Variants in HAO1 observed in about 807,000 individuals in gnomAD.
The protein encoded by HAO1 is hydroxyacid oxidase 1, also known as 2-Hydroxyacid oxidase 1.
HAO1 carries 34 observed loss-of-function variants against 39.7 expected under a neutral mutation model. The ratio of observed to expected loss-of-function variants is 0.86; its 90% CI spans 0.65 to 1.14. HAO1 has a LOEUF of 1.14. Ranked by LOEUF, HAO1 falls within the 50% of genes most tolerant of loss-of-function variation. The pLI is 0.00. For synonymous variants in HAO1, 172 were observed against 173.2 expected, an observed-to-expected ratio of 0.99 and a Z score of 0.05; for missense variants, 479 against 464.5, an observed-to-expected ratio of 1.03 and a Z score of -0.29.
chr20:7,909,385 A>ATATATATATATATATATATATATATATG (rs2050266466), intron 3 of HAO1, among the ~76,000 whole-genome samples: 2 of 112,610 alleles, frequency 1.8e-5, no homozygotes, highest in African/African-American at 7.8e-5. Flanking sequence ...ATATGTATAT[A>ATATATATATATATATATATATATATATG]TATATATATA....
chr20:7,924,455 G>T (rs182718102), intron 2 of HAO1, among the ~76,000 whole-genome samples: 1 of 152,176 alleles, frequency 6.6e-6, no homozygotes, highest in Non-Finnish European at 1.5e-5. Flanking sequence ...AGGCAAAACT[G>T]AAGTTTATCA....
At position 7,934,554 on chromosome 20, in the gene HAO1, C is replaced by T. The variant is rs781491114; in HGVS notation, c.219G>A (p.Met73Ile). The stretch of plus-strand genomic sequence containing the variant: ...TGGCCGTAGCCCCCACACATATTGG[C>T]ATGCTGACCCTCTGTCCTAAAACAG... ...STSVLGQRVS[M>I]PICVGATAMQ... Residue 73 changes from methionine (M) to isoleucine (I), a missense_variant, in exon 2 of 8, where the codon ATG becomes ATA. Met to Ile is a conservative substitution (Grantham distance 10, BLOSUM62 1). Coordinates refer to ENST00000378789, the MANE Select transcript of HAO1 (RefSeq NM_017545.3). 1.9e-6 allele frequency: 3 copies of T among 1,613,472 alleles called. No homozygotes were observed. Among genetic ancestry groups the T allele is most frequent in the Non-Finnish European group, 2.5e-6 (3 of 1,179,438 alleles).
At chr20:7,892,348 G>T (rs6055371) in intron 5 of HAO1, among the ~76,000 whole-genome samples, 39 of 152,292 alleles carry the variant, frequency 2.6e-4, no homozygotes, top group African/African-American at 7.0e-4. Context: ...GCCTCTGAAA[G>T]TGCTGGGATT....
intron 5 of HAO1, among the ~76,000 whole-genome samples, chr20:7,886,245 C>T (rs1316391258): frequency 6.6e-6 from 1 of 151,944 alleles, no homozygotes. Flanking sequence ...GTGATCTCGG[C>T]TCACTGCAAC....
At chr20:7,899,271 T>C (rs1489431889) in intron 4 of HAO1, among the ~76,000 whole-genome samples, 2 of 152,136 alleles carry the variant, frequency 1.3e-5, no homozygotes, top group Non-Finnish European at 2.9e-5. Flanking sequence ...CACATATGAT[T>C]AGCTTGTGGA....
rs2050148843 is a variant in HAO1 at position 7,885,840 on chromosome 20, CCA to C, written c.836_837del (p.Val279GlyfsTer20). 6.2e-7 allele frequency: 1 copy of C among 1,613,550 alleles called. No homozygotes were observed. Among genetic ancestry groups the C allele is most frequent in the African/African-American group, 1.3e-5 (1 of 75,006 alleles). The stretch of plus-strand genomic sequence containing the variant: ...ACTTCCACCTTCCCTTCCACAGCCT[CCA>C]CAATTTCTGGCAGAACATCAATCTG... ...PATIDVLPEI[V>X]EAVEGKVEVF... On this transcript the variant is annotated frameshift_variant, in exon 6 of 8. Coordinates refer to ENST00000378789, the MANE Select transcript of HAO1 (RefSeq NM_017545.3). LOFTEE classifies it high-confidence loss of function.
intron 3 of HAO1, among the ~76,000 whole-genome samples, chr20:7,909,401 A>G (rs924492322): frequency 1.4e-5 from 2 of 143,632 alleles, no homozygotes. Flanking sequence ...ATATATATAT[A>G]TATGCTTAAA....
intron 3 of HAO1, 46 bp downstream of exon 3, chr20:7,914,118 C>T: frequency 2.5e-6 from 4 of 1,606,370 alleles, no homozygotes; most frequent in Non-Finnish European, 3.4e-6. Context: ...CATTCCCAGT[C>T]AAGATCCCTT....
chr20:7,894,086 C>T (rs574544149), intron 5 of HAO1, among the ~76,000 whole-genome samples: 3 of 152,258 alleles, frequency 2.0e-5, no homozygotes, highest in East Asian at 1.9e-4. Flanking sequence ...TGGCCAAATC[C>T]CCACAAGTGG....
At chr20:7,918,484 G>A (rs559360467) in intron 2 of HAO1, among the ~76,000 whole-genome samples, 2 of 152,280 alleles carry the variant, frequency 1.3e-5, no homozygotes, top group East Asian at 3.9e-4. Context: ...CCACGGCTCT[G>A]AAGTTTATCA....
rs552610060 is a variant in HAO1, at chr20:7,905,531, T to G, written c.721+623A>C. The stretch of plus-strand genomic sequence containing the variant: ...TTCTTGCCTTTGTGGGTAAACACAT[T>G]TACACTCCAAAATTATTATAGTCAT... On this transcript the variant is annotated intron_variant, in intron 4 of 7. Coordinates refer to ENST00000378789, the MANE Select transcript of HAO1 (RefSeq NM_017545.3). Among the ~76,000 whole-genome samples, 8 of 152,276 alleles carry G rather than the reference T, an allele frequency of 5.3e-5. No homozygotes were observed. In the South Asian group the frequency reaches 1.5e-3, roughly 28 times the overall value.
At chr20:7,902,815 A>G (rs1223752497) in intron 4 of HAO1, among the ~76,000 whole-genome samples, 1 of 152,228 alleles carries the variant, frequency 6.6e-6, no homozygotes, top group African/African-American at 2.4e-5. Context: ...TCTTAAGTAC[A>G]TGTTAGGAGC....
rs560656951 is a variant in HAO1 at position 7,940,452 on chromosome 20, G to A, written c.-30C>T. 24 of 1,548,606 alleles carry A rather than the reference G, an allele frequency of 1.5e-5. No homozygotes were observed. The highest frequency in any genetic ancestry group is 1.4e-5 in the Non-Finnish European group (16 of 1,152,312). Reference sequence around the variant, plus strand: ...ACAGGTTATTGCTATCCCAGATGGAGTTCGTTGTTTTTTTTTTTTTAATGT... The same window carrying A: ...ACAGGTTATTGCTATCCCAGATGGAATTCGTTGTTTTTTTTTTTTTAATGT... On this transcript the variant is annotated 5_prime_UTR_variant, in exon 1 of 8. Transcript: ENST00000378789.
intron 5 of HAO1, among the ~76,000 whole-genome samples, chr20:7,886,201 T>C (rs1182368944): frequency 6.6e-6 from 1 of 151,708 alleles, no homozygotes; most frequent in Non-Finnish European, 1.5e-5. Context: ...TGAGAGAGGG[T>C]CTTGCTCTGT....
At chr20:7,899,132 T>G (rs146548405) in intron 4 of HAO1, among the ~76,000 whole-genome samples, 2 of 152,034 alleles carry the variant, frequency 1.3e-5, no homozygotes, top group African/African-American at 4.8e-5. Context: ...AGTGATTCAC[T>G]GCTTAAGGTA....
rs756897739 is a variant in HAO1 at position 7,906,268 on chromosome 20, T to C, written c.607A>G (p.Ser203Gly). Residue 203 changes from serine to glycine, a missense_variant, in exon 4 of 8, where the codon AGT (serine) becomes GGT (glycine). Physicochemically the swap from Ser to Gly is moderately conservative, Grantham distance 56. Coordinates refer to ENST00000378789, the MANE Select transcript of HAO1 (RefSeq NM_017545.3). ...TTAGCCACATATGCAGCAAGTCCAC[T>C]GTCGTCTCCAAAATTTTCCTCAGGA... The part of the protein sequence containing the change: ...FSPEENFGDD[S>G]GLAAYVAKAI... 1.4e-5 allele frequency: 22 copies of C among 1,612,364 alleles called. 1 individual carries two copies. Among genetic ancestry groups the C allele is most frequent in the Non-Finnish European group, 1.7e-5 (20 of 1,178,564 alleles).
chr20:7,913,165 T>TTTTTTTTTTTTTTTTTTTTTTTTTC (rs2050288234), intron 3 of HAO1, among the ~76,000 whole-genome samples: 1 of 126,598 alleles, frequency 7.9e-6, no homozygotes. Context: ...TAGCCCTAGT[T>TTTTTTTTTTTTTTTTTTTTTTTTTC]TTTTGTTTTT....
At position 7,914,317 on chromosome 20, in the gene HAO1, A is replaced by T; in HGVS notation, c.392T>A (p.Leu131Gln). 1 of 1,614,038 alleles carries T rather than the reference A, an allele frequency of 6.2e-7. No individual in the cohort carries two copies. The highest frequency in any genetic ancestry group is 1.7e-5 in the Admixed American group (1 of 60,018). Residue 131 changes from leucine to glutamine, a missense_variant, in exon 3 of 8, where the codon CTG (leucine) becomes CAG (glutamine). Leu to Gln is a moderately radical substitution (Grantham distance 113). Transcript: ENST00000378789. ...GACTTCTCGGTCCTTGTAGATATAC[A>T]GTTGCAGCCAACGAAGTGCCTCAGG... Reference protein sequence around the residue: ...AGPEALRWLQLYIYKDREVTK... With the variant: ...AGPEALRWLQQYIYKDREVTK...
At chr20:7,902,622 T>C (rs571207332) in intron 4 of HAO1, among the ~76,000 whole-genome samples, 1 of 152,270 alleles carries the variant, frequency 6.6e-6, no homozygotes, top group Non-Finnish European at 1.5e-5. Context: ...GTCTCTTAGG[T>C]ATGCCTGTAT....
Sources: gnomAD v4.1 joint callset for allele counts (sites outside exome capture counted in the v4.1 genomes callset) on GRCh38, gnomAD v4.1.1 for gene constraint, MANE v1.5 for transcripts, NCBI Gene and HGNC (gene_info 2026-07-23, HGNC 2026-07-21) for gene names.